The following ASPM variants were observed in gnomAD, a reference collection of about 807,000 sequenced individuals.
The protein encoded by ASPM is assembly factor for spindle microtubules, also known as abnormal spindle-like microcephaly-associated protein.
ASPM carries 256 observed loss-of-function variants against 366.4 expected under a neutral mutation model. The ratio of observed to expected loss-of-function variants is 0.70; its 90% confidence interval spans 0.63 to 0.77. The LOEUF (loss-of-function observed/expected upper bound fraction) is 0.77. Among genes scored for constraint, ASPM ranks in the 30% least tolerant of loss-of-function variants. ASPM has a pLI of 0.00. For missense variants in ASPM, 4,146 were observed against 4,090.4 expected, an observed-to-expected ratio of 1.01 and a Z score of -0.37; for synonymous variants, 1,414 against 1,342.9, an observed-to-expected ratio of 1.05 and a Z score of -1.16.
rs191126815 is a variant in ASPM at position 197,101,182 on chromosome 1, C to T, written c.8069G>A (p.Arg2690Gln). The T allele has an allele frequency of 1.4e-5, 23 of 1,612,308 alleles. No homozygotes were observed. In the East Asian group the frequency reaches 2.9e-4, roughly 20 times the overall value. The change falls in exon 18 of 28, where the codon CGG (arginine) becomes CAG (glutamine). Residue 2690 changes from arginine to glutamine, a missense_variant. By Grantham distance (43) the Arg-to-Gln change is conservative. Around this residue, in one of 3 missense-constraint regions of ASPM, gnomAD observed 3,624 missense variants for 3,591.7 expected, o/e 1.01. Transcript: ENST00000367409. Reference sequence around the variant, plus strand: ...GAATGACTGAATTAGTGTGGCAGCCCGGTGCATATTTTGAATATCCTTTCG... The same window carrying T: ...GAATGACTGAATTAGTGTGGCAGCCTGGTGCATATTTTGAATATCCTTTCG... ...KVRKDIQNMH[R>Q]AATLIQSFYR...
Position 197,103,189 on chromosome 1 carries a change from TTTG to T in ASPM, c.6059_6061del (p.Thr2020del), listed in dbSNP as rs1158146936. The T allele has an allele frequency of 1.9e-6, 3 of 1,612,610 alleles. No individual in the cohort carries two copies. Among genetic ancestry groups the T allele is most frequent in the Non-Finnish European group, 2.5e-6 (3 of 1,179,394 alleles). ...TGACTGTAAAGTTACTACAGCTGCT[TTTG>T]TTTTCAAATATAAATGATTCTGTTC... On this transcript the variant is annotated inframe_deletion, in exon 18 of 28. Transcript: ENST00000367409.
intron 7 of ASPM, among the ~76,000 whole-genome samples, chr1:197,130,401 G>A (rs940937073): frequency 2.0e-5 from 3 of 152,026 alleles, no homozygotes; most frequent in South Asian, 2.1e-4. Flanking sequence ...TAAGTACATC[G>A]TGAAGTTATA....
At position 197,104,523 on chromosome 1, in the gene ASPM, T is replaced by A; in HGVS notation, c.4728A>T (p.Arg1576Ser). 6.2e-7 allele frequency: 1 copy of A among 1,612,574 alleles called. No individual in the cohort carries two copies. The highest frequency in any genetic ancestry group is 8.5e-7 in the Non-Finnish European group (1 of 1,179,296). Residue 1576 changes from arginine (R) to serine (S), a missense_variant, in exon 18 of 28, where the codon AGA becomes AGT. By Grantham distance (110) the Arg-to-Ser change is moderately radical (BLOSUM62 -1). Around this residue, in one of 3 missense-constraint regions of ASPM, gnomAD observed 3,624 missense variants for 3,591.7 expected, o/e 1.01. Transcript: ENST00000367409. ...IQSYWRMRQD[R>S]VRFLNLKKTI... ...TCTTCTTAAGGTTTAAAAATCGAAC[T>A]CTGTCTTGTCTCATTCTCCAGTATG...
At chr1:197,133,622 T>G in intron 5 of ASPM, 27 bp from the exon 6 acceptor site, 1 of 1,606,482 alleles carries the variant, frequency 6.2e-7, no homozygotes, top group Non-Finnish European at 8.5e-7. Context: ...GAAAGAATGT[T>G]TCTGGTTAAA....
In ASPM at chr1:197,094,168, C is replaced by T. The variant is rs1368093203; in HGVS notation, c.9000G>A (p.Val3000=). ...TKLERTRFLN[V]RASAIIIQRK... ...TCTGAATGATAATTGCTGATGCTCT[C>T]ACATTCAAAAACCTAAAAAGTAGTT... The change falls in exon 20 of 28, where the codon GTG becomes GTA. Residue 3000 remains valine (V), a synonymous_variant. Coordinates refer to ENST00000367409, the MANE Select transcript of ASPM (RefSeq NM_018136.5). 1 of 1,604,000 alleles carries T rather than the reference C, an allele frequency of 6.2e-7. No individual in the cohort carries two copies. The highest frequency in any genetic ancestry group is 8.5e-7 in the Non-Finnish European group (1 of 1,173,392).
intron 17 of ASPM, among the ~76,000 whole-genome samples, chr1:197,114,457 T>C (rs562942800): frequency 1.3e-5 from 2 of 152,354 alleles, no homozygotes; most frequent in Admixed American, 6.5e-5. Flanking sequence ...TAGCATACAA[T>C]GCCACTTATT....
At chr1:197,091,341 CTAAA>C (rs1217111621) in intron 22 of ASPM, among the ~76,000 whole-genome samples, 1 of 151,714 alleles carries the variant, frequency 6.6e-6, no homozygotes, top group Non-Finnish European at 1.5e-5. Flanking sequence ...ATTTTTTTTA[CTAAA>C]TACTTTATAT....
intron 17 of ASPM, among the ~76,000 whole-genome samples, chr1:197,114,029 T>TAGTGTCTACTGA (rs60334053): frequency 2.0e-5 from 3 of 151,538 alleles, no homozygotes; most frequent in African/African-American, 7.3e-5. Context: ...AACTCTTGGA[T>TAGTGTCTACTGA]AGTTGAAATA....
chr1:197,125,134 C>T lies in ASPM; in HGVS notation c.2994G>A (p.Pro998=), dbSNP rs554545885. 2.5e-5 allele frequency: 40 copies of T among 1,613,916 alleles called. No homozygotes were observed. The African/African-American group carries it at 2.5e-4, about 10-fold the overall frequency. The change falls in exon 11 of 28, where the codon CCG becomes CCA. Residue 998 remains proline, a synonymous_variant. Transcript: ENST00000367409. ...GCATCTTTTGAAGACGACTTATTGC[C>T]GGAATCCTGAGTTTCTTTGAGAGGT... The part of the protein sequence containing the change: ...NWDLSKKLRI[P]AISRLQKMHN...
rs1250162311 is a variant in ASPM at position 197,101,291 on chromosome 1, T to C, written c.7960A>G (p.Ile2654Val). 3 of 1,611,704 alleles carry C rather than the reference T, an allele frequency of 1.9e-6. No individual in the cohort carries two copies. In the African/African-American group the frequency reaches 4.0e-5, roughly 22 times the overall value. ...GTTAGTTTTCTGTATCTTCTTTGAA[T>C]AGAAACTACTGTTGCTCTAAGGTGG... ...YLHLRATVVS[I>V]QRRYRKLTAV... The change falls in exon 18 of 28, where the codon ATT becomes GTT. Residue 2654 changes from isoleucine (I) to valine (V), a missense_variant. Around this residue, in one of 3 missense-constraint regions of ASPM, gnomAD observed 3,624 missense variants for 3,591.7 expected, o/e 1.01. Coordinates refer to ENST00000367409, the MANE Select transcript of ASPM (RefSeq NM_018136.5).
intron 1 of ASPM, among the ~76,000 whole-genome samples, chr1:197,145,586 T>A (rs1658739622): frequency 6.6e-6 from 1 of 152,112 alleles, no homozygotes; most frequent in African/African-American, 2.4e-5. Context: ...AAATGCATAT[T>A]AAGATGGCTG....
intron 17 of ASPM, among the ~76,000 whole-genome samples, chr1:197,109,361 T>C (rs1657513654): frequency 6.6e-6 from 1 of 152,102 alleles, no homozygotes; most frequent in African/African-American, 2.4e-5. Flanking sequence ...ATTTTATCCT[T>C]GGAATGTAAG....
intron 17 of ASPM, among the ~76,000 whole-genome samples, chr1:197,116,609 T>C (rs151096669): frequency 3.3e-5 from 5 of 152,192 alleles, no homozygotes; most frequent in East Asian, 3.9e-4. Context: ...CCTAGTACAA[T>C]TGAAGAGACT....
chr1:197,144,265 A>C (rs1033878012), intron 1 of ASPM, among the ~76,000 whole-genome samples, 165 bp from the exon 2 acceptor site: 1 of 152,186 alleles, frequency 6.6e-6, no homozygotes, highest in Non-Finnish European at 1.5e-5. Flanking sequence ...TATCTGCTTA[A>C]TTATAAGAAA....
intron 22 of ASPM, among the ~76,000 whole-genome samples, chr1:197,091,670 CT>C (rs1656790232): frequency 6.6e-6 from 1 of 151,970 alleles, no homozygotes; most frequent in African/African-American, 2.4e-5. Flanking sequence ...ACCCTCAAGA[CT>C]TTGCTGGCAG....
In ASPM at chr1:197,104,950, C is replaced by T. The variant is rs747429932; in HGVS notation, c.4301G>A (p.Trp1434Ter). 6.2e-7 allele frequency: 1 copy of T among 1,612,062 alleles called. No homozygotes were observed. Among genetic ancestry groups the T allele is most frequent in the Non-Finnish European group, 8.5e-7 (1 of 1,179,068 alleles). Reference protein sequence around the residue: ...TLIIQSMFRKWKQRKMQSQVK... With the variant: ...TLIIQSMFRK ...TTGTGATTGCATTTTACGTTGCTTC[C>T]ATTTTCTGAACATAGATTGGATTAT... The change falls in exon 18 of 28, where the codon TGG becomes TAG. Residue 1434 changes from tryptophan (W) to a stop codon, truncating the protein, a stop_gained. Coordinates refer to ENST00000367409, the MANE Select transcript of ASPM (RefSeq NM_018136.5). LOFTEE classifies it high-confidence loss of function.
At position 197,130,012 on chromosome 1, in the gene ASPM, G is replaced by A. The variant is rs141716537; in HGVS notation, c.2532C>T (p.Val844=). 1.1e-4 allele frequency: 175 copies of A among 1,613,836 alleles called. No individual in the cohort carries two copies. The highest frequency in any genetic ancestry group is 1.4e-4 in the Non-Finnish European group (170 of 1,179,916). The change falls in exon 8 of 28, where the codon GTC becomes GTT. Residue 844 remains valine, a synonymous_variant. Coordinates refer to ENST00000367409, the MANE Select transcript of ASPM (RefSeq NM_018136.5). ...ELISLEDNSD[V]TGLAMFILNR... ...TCAGAATAAACATAGCCAACCCTGT[G>A]ACATCACTGTTATCTTCCAAAGATA... is the stretch of plus-strand genomic sequence containing the variant.
chr1:197,096,590 G>A (rs1656982618), intron 18 of ASPM, among the ~76,000 whole-genome samples: 1 of 151,750 alleles, frequency 6.6e-6, no homozygotes. Context: ...TTTGGGTTCT[G>A]TGTTCAGCCT....
chr1:197,139,385 G>A (rs1249723573), intron 4 of ASPM: 8 of 573,250 alleles, frequency 1.4e-5, no homozygotes, highest in Non-Finnish European at 6.2e-6. Flanking sequence ...ACGAGGTCAG[G>A]AGATTGCCCG....
Sources: gnomAD v4.1 joint callset for allele counts (sites outside exome capture counted in the v4.1 genomes callset) on GRCh38, gnomAD v4.1.1 for gene constraint, gnomAD v4.1.1 regional missense constraint, MANE v1.5 for transcripts, NCBI Gene and HGNC (gene_info 2026-07-23, HGNC 2026-07-21) for gene names.